GAGE10: variants seen among roughly 807,000 people sequenced by gnomAD.
GAGE10 encodes the protein G antigen 10.
GAGE10 carries 9 observed loss-of-function variants against 11.5 expected under a neutral mutation model. The ratio of observed to expected loss-of-function variants is 0.78; its 90% CI spans 0.47 to 1.37. The LOEUF (loss-of-function observed/expected upper bound fraction) is 1.37. GAGE10 is among the 40% of genes most tolerant of loss of function. The probability of loss-of-function intolerance (pLI) is 0.00; values close to 1 mark genes in which losing one functional copy is unlikely to be tolerated. For missense variants in GAGE10, 83 were observed against 92.9 expected, an observed-to-expected ratio of 0.89 and a Z score of 0.44; for synonymous variants, 23 against 29.7, an observed-to-expected ratio of 0.77 and a Z score of 0.73.
chrX:49,316,273 C>G (rs1293806429), intron 3 of GAGE10, among the ~76,000 whole-genome samples: 2 of 112,004 alleles, frequency 1.8e-5, no homozygotes, highest in African/African-American at 6.5e-5. Flanking sequence ...CAGATAATCT[C>G]AAGTCGCAAA....
chrX:49,317,900 C>G (rs1448939534), intron 4 of GAGE10, among the ~76,000 whole-genome samples: 1 of 77,003 alleles, frequency 1.3e-5, no homozygotes, highest in African/African-American at 4.9e-5. Flanking sequence ...TTTGTAACAC[C>G]CATCACTTGG....
intron 3 of GAGE10, among the ~76,000 whole-genome samples, chrX:49,312,708 A>G (rs1200365821): frequency 8.9e-6 from 1 of 112,743 alleles, no homozygotes; most frequent in Non-Finnish European, 1.9e-5. Flanking sequence ...GGAAACAGGA[A>G]AATATATTAA....
rs368274409 is a variant in GAGE10 at position 49,317,144 on chromosome X, T to C, written c.203-19T>C. 18 of 1,186,874 alleles carry C rather than the reference T, an allele frequency of 1.5e-5. No individual in the cohort carries two copies. The highest frequency in any genetic ancestry group is 1.2e-4 in the African/African-American group (7 of 56,220). The stretch of plus-strand genomic sequence containing the variant: ...TCATGTTTTACTGCTTAAATTGATA[T>C]GTATTTTTTATTTTTAATGGCCGAA... On this transcript the variant is annotated intron_variant, in intron 3 of 4. Transcript: ENST00000407599.
rs782431844 is a variant in GAGE10 at position 49,313,285 on chromosome X, C to T, written c.203-3878C>T. Among the ~76,000 whole-genome samples, 6 of 111,881 alleles carry T rather than the reference C, an allele frequency of 5.4e-5. No homozygotes were observed. The South Asian group carries it at 1.1e-3, about 21-fold the overall frequency. On this transcript the variant is annotated intron_variant, in intron 3 of 4. Transcript: ENST00000407599. ...TTCAGGGAAGGTGGAACGGATGAAC[C>T]GGACACTCAAACAGCTACTAAAAAA...
chrX:49,311,826 C>G lies in GAGE10; in HGVS notation c.203-5337C>G, dbSNP rs182346274. 1.9e-3 allele frequency among the ~76,000 whole-genome samples: 218 copies of G among 112,361 alleles called. 1 individual carries two copies. Among genetic ancestry groups the G allele is most frequent in the Non-Finnish European group, 3.0e-3 (158 of 53,263 alleles). On this transcript the variant is annotated intron_variant, in intron 3 of 4. Transcript: ENST00000407599. ...ACTTGGTGGCCTTAGGTTGGCCCCA[C>G]TGCCTCAGGGCGCTGGCAGCTATGG...
chrX:49,317,170 G>A lies in GAGE10; in HGVS notation c.210G>A (p.Lys70=). 1 of 1,204,153 alleles carries A rather than the reference G, an allele frequency of 8.3e-7. No individual in the cohort carries two copies. The highest frequency in any genetic ancestry group is 1.8e-5 in the South Asian group (1 of 56,757). The change falls in exon 4 of 5, where the codon AAG becomes AAA. Residue 70 remains lysine, a synonymous_variant. Coordinates refer to ENST00000407599, the MANE Select transcript of GAGE10 (RefSeq NM_001098413.4). ...DEGASAGQGP[K]PEADSQEQVH... The stretch of plus-strand genomic sequence containing the variant: ...GTATTTTTTATTTTTAATGGCCGAA[G>A]CCTGAAGCTGATAGCCAGGAACAGG...
At chrX:49,305,986 G>A (rs1453614065) in intron 3 of GAGE10, among the ~76,000 whole-genome samples, 1 of 111,735 alleles carries the variant, frequency 8.9e-6, no homozygotes, top group African/African-American at 3.3e-5. Context: ...TCCAAAAACC[G>A]AGTCACTGAA....
intron 1 of GAGE10, among the ~76,000 whole-genome samples, chrX:49,304,001 G>GGAGGAAGGT (rs1557123741): frequency 8.9e-6 from 1 of 112,226 alleles, no homozygotes; most frequent in Non-Finnish European, 1.9e-5. Context: ...GCCAGGACAA[G>GGAGGAAGGT]GAGGAAGGTG....
At chrX:49,305,322 T>A (rs1240615324) in intron 2 of GAGE10, 82 bp from the exon 3 acceptor site, 1 of 502,509 alleles carries the variant, frequency 2.0e-6, no homozygotes, top group East Asian at 3.7e-5. Context: ...CAGAAATAGC[T>A]ATGTATTCTG....
Position 49,317,150 on chromosome X carries a change from T to G in GAGE10, c.203-13T>G. ...TTTACTGCTTAAATTGATATGTATT[T>G]TTTATTTTTAATGGCCGAAGCCTGA... On this transcript the variant is annotated splice_polypyrimidine_tract_variant and intron_variant, in intron 3 of 4. Coordinates refer to ENST00000407599, the MANE Select transcript of GAGE10 (RefSeq NM_001098413.4). The G allele has an allele frequency of 8.4e-7, 1 of 1,195,118 alleles. No individual in the cohort carries two copies. Among genetic ancestry groups the G allele is most frequent in the Non-Finnish European group, 1.1e-6 (1 of 884,240 alleles).
At chrX:49,306,093 T>G (rs1479222103) in intron 3 of GAGE10, among the ~76,000 whole-genome samples, 11 of 112,277 alleles carry the variant, frequency 9.8e-5, no homozygotes, top group African/African-American at 1.6e-4. Flanking sequence ...CTGGTTTAGT[T>G]ATTTTCTAAG....
intron 3 of GAGE10, among the ~76,000 whole-genome samples, chrX:49,306,731 G>A (rs782641433): frequency 2.7e-5 from 3 of 111,730 alleles, no homozygotes; most frequent in African/African-American, 9.8e-5. Flanking sequence ...TGCTGTGCAC[G>A]CATAGTCCCA....
chrX:49,313,170 T>C (rs1709265480), intron 3 of GAGE10, among the ~76,000 whole-genome samples: 1 of 112,249 alleles, frequency 8.9e-6, no homozygotes. Context: ...GATCAGACAG[T>C]GGTCCTGCAT....
At chrX:49,315,525 C>A (rs2066388798) in intron 3 of GAGE10, among the ~76,000 whole-genome samples, 1 of 111,883 alleles carries the variant, frequency 8.9e-6, no homozygotes, top group Non-Finnish European at 1.9e-5. Context: ...AATGAAGCAT[C>A]AAGGGCACTA....
intron 3 of GAGE10, among the ~76,000 whole-genome samples, chrX:49,308,397 A>G (rs1267189999): frequency 1.1e-4 from 12 of 111,959 alleles, no homozygotes; most frequent in Non-Finnish European, 2.3e-4. Context: ...ACCTGGATGG[A>G]GACTGGCTCT....
At chrX:49,313,312 T>C (rs781985259) in intron 3 of GAGE10, among the ~76,000 whole-genome samples, 2 of 111,845 alleles carry the variant, frequency 1.8e-5, no homozygotes, top group South Asian at 7.4e-4. Context: ...ACTAAAAAAG[T>C]TTAGCCAGGA....
chrX:49,305,240 T>C (rs3971987), intron 2 of GAGE10, among the ~76,000 whole-genome samples, 164 bp from the exon 3 acceptor site: 83 of 111,860 alleles, frequency 7.4e-4, no homozygotes, highest in African/African-American at 1.8e-3. Context: ...ATAGTAACCT[T>C]CCTGTGGGTC....
At chrX:49,317,331 C>A (rs782573695) in intron 4 of GAGE10, 43 bp downstream of exon 4, 2 of 1,168,715 alleles carry the variant, frequency 1.7e-6, no homozygotes, top group Non-Finnish European at 2.3e-6. Context: ...GTGTCTGTTT[C>A]CACAGTATCG....
rs781940598 is a variant in GAGE10 at position 49,313,268 on chromosome X, AG to A, written c.203-3893del. Reference sequence around the variant, plus strand: ...GCCTACTCACCACAGAGTTCAGGGAAGGTGGAACGGATGAACCGGACACTCA... The same window carrying A: ...GCCTACTCACCACAGAGTTCAGGGAAGTGGAACGGATGAACCGGACACTCA... On this transcript the variant is annotated intron_variant, in intron 3 of 4. Coordinates refer to ENST00000407599, the MANE Select transcript of GAGE10 (RefSeq NM_001098413.4). Among the ~76,000 whole-genome samples, 19 of 112,119 alleles carry A rather than the reference AG, an allele frequency of 1.7e-4. No individual in the cohort carries two copies. The East Asian group carries it at 3.9e-3, about 23-fold the overall frequency.
Sources: gnomAD v4.1 joint callset for allele counts (sites outside exome capture counted in the v4.1 genomes callset) on GRCh38, gnomAD v4.1.1 for gene constraint, MANE v1.5 for transcripts, NCBI Gene and HGNC (gene_info 2026-07-23, HGNC 2026-07-21) for gene names.